The following RYR3 variants were observed in gnomAD, a reference collection of about 807,000 sequenced individuals.
RYR3 encodes brain ryanodine receptor-calcium release channel.
Under a neutral mutation model 584.3 loss-of-function variants are expected in RYR3, and 207 were observed. The ratio of observed to expected loss-of-function variants is 0.35; its 90% CI spans 0.32 to 0.40. The LOEUF (loss-of-function observed/expected upper bound fraction) is 0.40, where lower values mean the gene tolerates loss of function less well. Ranked by LOEUF, RYR3 falls within the 10% of genes least tolerant of loss-of-function variation. The pLI, the probability that RYR3 is intolerant of heterozygous loss-of-function variation, is 1.00. For synonymous variants in RYR3, 2,416 were observed against 2,248.5 expected (o/e 1.07, Z -2.11); for missense variants, 5,616 against 6,089.2 (o/e 0.92, Z 2.59).
chr15:33,677,161 C>G (rs933313739), intron 38 of RYR3, among the ~76,000 whole-genome samples: 4 of 152,016 alleles, frequency 2.6e-5, no homozygotes, highest in African/African-American at 9.7e-5. Flanking sequence ...GAATTGCATT[C>G]CGTATCCCGG....
chr15:33,742,703 T>A (rs929261513), intron 52 of RYR3, among the ~76,000 whole-genome samples: 1 of 152,212 alleles, frequency 6.6e-6, no homozygotes, highest in Non-Finnish European at 1.5e-5. Context: ...TAACATTTAC[T>A]TACTGGAGTT....
chr15:33,340,374 C>T lies in RYR3; in HGVS notation c.51+29278C>T, dbSNP rs137937015. 2.2e-3 allele frequency among the ~76,000 whole-genome samples: 333 copies of T among 152,292 alleles called. 3 individuals are homozygous for T. Among genetic ancestry groups the T allele is most frequent in the Non-Finnish European group, 3.7e-3 (254 of 68,028 alleles). On this transcript the variant is annotated intron_variant, in intron 1 of 103. Transcript: ENST00000634891. ...TTTCTTTTGATGTTGGAGGCTTGAT[C>T]CAGAATTCCAAAATCATTTAATTAA...
chr15:33,863,989 G>C, intron 102 of RYR3, 149 bp from the exon 103 acceptor site: 2 of 574,430 alleles, frequency 3.5e-6, no homozygotes, highest in Non-Finnish European at 3.1e-6. Context: ...ATGATGGTTT[G>C]TGTCCTTATG....
At position 33,757,519 on chromosome 15, in the gene RYR3, C is replaced by T; in HGVS notation, c.8628C>T (p.Leu2876=). 6.2e-7 allele frequency: 1 copy of T among 1,610,738 alleles called. No homozygotes were observed. Among genetic ancestry groups the T allele is most frequent in the Non-Finnish European group, 8.5e-7 (1 of 1,178,764 alleles). Residue 2876 remains leucine, a synonymous_variant, in exon 60 of 104, where the codon CTC becomes CTT. Coordinates refer to ENST00000634891, the MANE Select transcript of RYR3 (RefSeq NM_001036.6). ...ACCAGTACTTCACCAGTCATTGCCT[C>T]TACTTCTTGTCATCCCCTCTGAAGC... is the stretch of plus-strand genomic sequence containing the variant. ...LVDQYFTSHC[L]YFLSSPLKPL... is the part of the protein sequence containing the mutation.
intron 7 of RYR3, 99 bp from the exon 8 acceptor site, chr15:33,543,523 C>T (rs1272336572): frequency 1.3e-5 from 10 of 787,456 alleles, no homozygotes; most frequent in South Asian, 7.3e-5. Flanking sequence ...CAGTATTTAC[C>T]GTAACTGGCT....
At position 33,583,151 on chromosome 15, in the gene RYR3, G is replaced by C. The variant is rs193186599; in HGVS notation, c.1574-1244G>C. 4.6e-3 allele frequency among the ~76,000 whole-genome samples: 697 copies of C among 152,326 alleles called. 21 individuals are homozygous for C. Among genetic ancestry groups the C allele is most frequent in the Admixed American group, 0.042 (648 of 15,302 alleles). Reference sequence around the variant, plus strand: ...GCCCACCCCCAGAGTTTCTAAATCAGTAAAGCTGGATGAGGCCTGAGAATT... The same window carrying C: ...GCCCACCCCCAGAGTTTCTAAATCACTAAAGCTGGATGAGGCCTGAGAATT... On this transcript the variant is annotated intron_variant, in intron 14 of 103. Coordinates refer to ENST00000634891, the MANE Select transcript of RYR3 (RefSeq NM_001036.6).
At chr15:33,529,107 CATTT>C (rs2054631233) in intron 3 of RYR3, among the ~76,000 whole-genome samples, 1 of 152,178 alleles carries the variant, frequency 6.6e-6, no homozygotes, top group African/African-American at 2.4e-5. Context: ...GCTGTTGACA[CATTT>C]ATAAATACAG....
At chr15:33,623,518 C>T (rs191655829) in intron 19 of RYR3, among the ~76,000 whole-genome samples, 7 of 152,104 alleles carry the variant, frequency 4.6e-5, no homozygotes. Flanking sequence ...TAATTATTTA[C>T]CTATTAGAGT....
chr15:33,397,621 C>A (rs759003604), intron 1 of RYR3, among the ~76,000 whole-genome samples: 10 of 152,182 alleles, frequency 6.6e-5, no homozygotes, highest in Non-Finnish European at 1.5e-4. Flanking sequence ...GCTGGATGAG[C>A]TGTAATTGTT....
At chr15:33,857,109 AC>A (rs1362532983) in intron 98 of RYR3, among the ~76,000 whole-genome samples, 1 of 152,200 alleles carries the variant, frequency 6.6e-6, no homozygotes, top group Non-Finnish European at 1.5e-5. Context: ...TATTTTACTT[AC>A]GCCCAATCTA....
chr15:33,639,926 T>C (rs2061703003), intron 27 of RYR3, among the ~76,000 whole-genome samples: 1 of 152,222 alleles, frequency 6.6e-6, no homozygotes, highest in Non-Finnish European at 1.5e-5. Flanking sequence ...TAGCCTTCTC[T>C]TTTCCTCTGT....
intron 27 of RYR3, among the ~76,000 whole-genome samples, chr15:33,640,220 A>G (rs62010542): frequency 0.051 from 7,707 of 152,302 alleles, 280 homozygotes; most frequent in Non-Finnish European, 0.075. Context: ...CTGCAGGCAC[A>G]CACGCTGGTA....
intron 94 of RYR3, chr15:33,850,654 T>G (rs912489013): frequency 6.6e-6 from 1 of 152,222 alleles, no homozygotes; most frequent in Non-Finnish European, 1.5e-5. Flanking sequence ...GGGAGCTTTC[T>G]TTTTAAACAT....
chr15:33,818,663 G>A lies in RYR3; in HGVS notation c.10685G>A (p.Arg3562His), dbSNP rs780080294. ...CATCAGATCATTCTCTATTTTAGCCGCAACGCTCTCACGGAGAGGAGGTCA... is the reference window on the plus strand; with the variant it reads ...CATCAGATCATTCTCTATTTTAGCCACAACGCTCTCACGGAGAGGAGGTCA... Reference protein sequence around the residue: ...PLHQIILYFSRNALTERSKLE... With the variant: ...PLHQIILYFSHNALTERSKLE... The change falls in exon 76 of 104, where the codon CGC becomes CAC. Residue 3562 changes from arginine to histidine, a missense_variant. Physicochemically the swap from Arg to His is conservative, Grantham distance 29. Transcript: ENST00000634891. The A allele has an allele frequency of 1.7e-5, 27 of 1,613,436 alleles. No individual in the cohort carries two copies. Among genetic ancestry groups the A allele is most frequent in the Middle Eastern group, 1.7e-4 (1 of 6,044 alleles).
At chr15:33,773,417 A>G in intron 63 of RYR3, 117 bp from the exon 64 acceptor site, 2 of 729,788 alleles carry the variant, frequency 2.7e-6, no homozygotes, top group South Asian at 1.6e-5. Context: ...TTGTTGAGAG[A>G]GAAAGGGAGA....
At chr15:33,617,964 T>C (rs1039801079) in intron 19 of RYR3, among the ~76,000 whole-genome samples, 1 of 152,168 alleles carries the variant, frequency 6.6e-6, no homozygotes, top group Non-Finnish European at 1.5e-5. Flanking sequence ...AGGCCCCCAG[T>C]GTAACAACCG....
chr15:33,547,600 G>A (rs1348954599), intron 8 of RYR3, among the ~76,000 whole-genome samples: 3 of 152,048 alleles, frequency 2.0e-5, no homozygotes, highest in Admixed American at 1.3e-4. Context: ...TTCTTAACAC[G>A]GGAAAGGAAG....
At chr15:33,817,917 T>G (rs1456311323) in intron 75 of RYR3, among the ~76,000 whole-genome samples, 2 of 152,202 alleles carry the variant, frequency 1.3e-5, no homozygotes, top group Non-Finnish European at 2.9e-5. Context: ...GAAAATTCAC[T>G]TTTACCTCTG....
At chr15:33,816,994 T>G in intron 75 of RYR3, 36 bp downstream of exon 75, 1 of 1,279,514 alleles carries the variant, frequency 7.8e-7, no homozygotes, top group Non-Finnish European at 1.1e-6. Flanking sequence ...GATATGAGTG[T>G]GGATGAATTT....
Sources: allele counts gnomAD v4.1 joint callset (sites outside exome capture counted in the v4.1 genomes callset), GRCh38; gene constraint gnomAD v4.1.1; transcripts MANE v1.5; gene names NCBI Gene and HGNC (gene_info 2026-07-23, HGNC 2026-07-21).